ZMYM1: variants seen among roughly 807,000 people sequenced by gnomAD.
ZMYM1 encodes zinc finger MYM-type protein 1.
A neutral mutation model predicts 60.0 loss-of-function variants in ZMYM1; 39 were observed. The ratio of observed to expected loss-of-function variants is 0.65; its 90% CI spans 0.50 to 0.85. The LOEUF (loss-of-function observed/expected upper bound fraction) is 0.85, where lower values mean the gene tolerates loss of function less well. ZMYM1 is among the 40% of genes least tolerant of loss of function. The probability of loss-of-function intolerance (pLI) is 0.00; values close to 1 mark genes in which losing one functional copy is unlikely to be tolerated. For synonymous variants in ZMYM1, 413 were observed against 454.0 expected (o/e 0.91, Z 1.15); for missense variants, 1,171 against 1,309.5 (o/e 0.89, Z 1.63).
chr1:35,097,168 C>A, intron 3 of ZMYM1, 149 bp from the exon 4 acceptor site: 1 of 868,936 alleles, frequency 1.2e-6, no homozygotes, highest in Non-Finnish European at 1.7e-6. Context: ...TGCAGTGAGC[C>A]ATGATCGTAT....
chr1:35,089,845 A>G (rs941324751), intron 1 of ZMYM1, among the ~76,000 whole-genome samples: 2 of 133,430 alleles, frequency 1.5e-5, no homozygotes, highest in Non-Finnish European at 3.1e-5. Flanking sequence ...TCCCAGGTTC[A>G]CGCCATTCTC....
rs374934245 is a variant in ZMYM1 at position 35,093,976 on chromosome 1, T to C, written c.-12T>C. On this transcript the variant is annotated 5_prime_UTR_variant, in exon 2 of 10. Transcript: ENST00000359858. The stretch of plus-strand genomic sequence containing the variant: ...TTTGGAACTGGAGAATTCCTTTGCA[T>C]CAGATACTAAAATGAAAGAACCACT... 3.0e-4 allele frequency: 475 copies of C among 1,586,194 alleles called. No homozygotes were observed. The highest frequency in any genetic ancestry group is 3.9e-4 in the Non-Finnish European group (454 of 1,165,934).
chr1:35,092,752 C>T (rs746925892), intron 1 of ZMYM1, among the ~76,000 whole-genome samples: 2 of 151,956 alleles, frequency 1.3e-5, no homozygotes, highest in South Asian at 4.2e-4. Context: ...CTCAGCCTAC[C>T]GAGTAGCTGG....
At chr1:35,076,159 A>T (rs1176648101), upstream of ZMYM1, among the ~76,000 whole-genome samples, 2 of 152,156 alleles carry the variant, frequency 1.3e-5, no homozygotes, top group Non-Finnish European at 2.9e-5. Flanking sequence ...ACATAACCCC[A>T]GATATAAAGG....
At chr1:35,085,086 C>T (rs553901918) in intron 1 of ZMYM1, among the ~76,000 whole-genome samples, 26 of 151,920 alleles carry the variant, frequency 1.7e-4, no homozygotes, top group South Asian at 1.2e-3. Flanking sequence ...CTCGCTCTGT[C>T]GCCCAGGCTG....
intron 6 of ZMYM1, among the ~76,000 whole-genome samples, chr1:35,105,680 A>G (rs1008984709): frequency 2.6e-5 from 4 of 152,018 alleles, no homozygotes; most frequent in African/African-American, 4.8e-5. Context: ...ATCATGGCTC[A>G]CTGTAGCCTT....
intron 1 of ZMYM1, among the ~76,000 whole-genome samples, chr1:35,088,482 G>A (rs1642804088): frequency 2.1e-5 from 3 of 145,764 alleles, no homozygotes; most frequent in Admixed American, 7.0e-5. Context: ...GTGTGTGTGT[G>A]TGTGTGTGTG....
chr1:35,100,814 T>C (rs1035278122), intron 4 of ZMYM1, among the ~76,000 whole-genome samples: 3 of 151,992 alleles, frequency 2.0e-5, no homozygotes, highest in African/African-American at 7.2e-5. Context: ...GTTTCTTTTT[T>C]TTTTTTGAGA....
chr1:35,113,807 T>C lies in ZMYM1; in HGVS notation c.1977T>C (p.Leu659=), dbSNP rs1644177090. 1.2e-6 allele frequency: 2 copies of C among 1,613,834 alleles called. No homozygotes were observed. Among genetic ancestry groups the C allele is most frequent in the Non-Finnish European group, 1.7e-6 (2 of 1,179,862 alleles). ...TCAATAGTGCCATGAAAGAACAGCT[T>C]TCAATTTGTGTAAGATACCCACAAA... ...ETINSAMKEQ[L]SICVRYPQKS... is the part of the protein sequence containing the mutation. Residue 659 remains leucine (L), a synonymous_variant, in exon 10 of 10, where the codon CTT becomes CTC. Coordinates refer to ENST00000359858, the MANE Select transcript of ZMYM1 (RefSeq NM_024772.5).
Position 35,115,144 on chromosome 1 carries a change from A to G in ZMYM1, c.3314A>G (p.Lys1105Arg). 1.2e-6 allele frequency: 2 copies of G among 1,614,146 alleles called. No individual in the cohort carries two copies. The highest frequency in any genetic ancestry group is 1.7e-6 in the Non-Finnish European group (2 of 1,179,998). The change falls in exon 10 of 10, where the codon AAG (lysine) becomes AGG (arginine). Residue 1105 changes from lysine to arginine, a missense_variant. Transcript: ENST00000359858. ...TYLCNTMGQEKLTGPALMAVE... is the reference protein window; with the variant it reads ...TYLCNTMGQERLTGPALMAVE... ...TTATGTAATACCATGGGACAAGAGA[A>G]GCTTACTGGCCCAGCCCTAATGGCT...
intron 2 of ZMYM1, among the ~76,000 whole-genome samples, chr1:35,095,187 A>T (rs2148517199): frequency 6.6e-6 from 1 of 152,090 alleles, no homozygotes; most frequent in Admixed American, 6.6e-5. Flanking sequence ...TAAGGTCTTT[A>T]TGAAGACAAT....
intron 1 of ZMYM1, among the ~76,000 whole-genome samples, chr1:35,063,851 C>T (rs1382814326): frequency 6.6e-6 from 1 of 152,080 alleles, no homozygotes; most frequent in African/African-American, 2.4e-5. Flanking sequence ...AGGATCTGTC[C>T]GTCTTTACTT....
chr1:35,112,006 T>C (rs1244404847), intron 8 of ZMYM1, 81 bp from the exon 9 acceptor site: 1 of 1,549,424 alleles, frequency 6.5e-7, no homozygotes, highest in Non-Finnish European at 8.7e-7. Context: ...GTTTCTTATA[T>C]GAAATAAGCA....
At position 35,093,841 on chromosome 1, in the gene ZMYM1, G is replaced by A. The variant is rs1020988293; in HGVS notation, c.-74-73G>A. The A allele has an allele frequency of 7.5e-6, 4 of 530,946 alleles. No individual in the cohort carries two copies. In the African/African-American group the frequency reaches 7.8e-5, roughly 10 times the overall value. 32.9% of individuals were successfully genotyped at this position (530,946 alleles called of 1,614,324 possible). On this transcript the variant is annotated intron_variant, in intron 1 of 9. Coordinates refer to ENST00000359858, the MANE Select transcript of ZMYM1 (RefSeq NM_024772.5). Reference sequence around the variant, plus strand: ...TGCCAAGCTGTCTAAAGACCCTTTTGTGGTTCTAGAAAATTACCATATTTA... The same window carrying A: ...TGCCAAGCTGTCTAAAGACCCTTTTATGGTTCTAGAAAATTACCATATTTA...
At chr1:35,083,836 T>C (rs1480497155) in intron 1 of ZMYM1, among the ~76,000 whole-genome samples, 2 of 152,200 alleles carry the variant, frequency 1.3e-5, no homozygotes, top group Non-Finnish European at 2.9e-5. Flanking sequence ...TCACCCAGGC[T>C]GGTCTCGAAC....
chr1:35,090,852 A>G (rs778524433), intron 1 of ZMYM1, among the ~76,000 whole-genome samples: 1 of 152,138 alleles, frequency 6.6e-6, no homozygotes, highest in African/African-American at 2.4e-5. Context: ...AGGCTGAGGC[A>G]GGAGAATCAC....
intron 1 of ZMYM1, among the ~76,000 whole-genome samples, chr1:35,082,780 G>A (rs982802136): frequency 1.5e-4 from 22 of 148,938 alleles, no homozygotes; most frequent in African/African-American, 4.7e-4. Context: ...AGGAGTTCCA[G>A]ACCAGCCTGG....
intron 7 of ZMYM1, among the ~76,000 whole-genome samples, chr1:35,111,236 A>T (rs1389059529): frequency 6.6e-6 from 1 of 152,222 alleles, no homozygotes; most frequent in Admixed American, 6.5e-5. Context: ...GAGCCAACTA[A>T]GTATTCCATC....
At chr1:35,112,041 T>G (rs557907171) in intron 8 of ZMYM1, 46 bp from the exon 9 acceptor site, 2 of 1,584,374 alleles carry the variant, frequency 1.3e-6, no homozygotes, top group Non-Finnish European at 1.7e-6. Flanking sequence ...TGCTATTTTA[T>G]AGGTTATAGT....
Sources: gnomAD v4.1 joint callset for allele counts (sites outside exome capture counted in the v4.1 genomes callset) on GRCh38, gnomAD v4.1.1 for gene constraint, MANE v1.5 for transcripts, NCBI Gene and HGNC (gene_info 2026-07-23, HGNC 2026-07-21) for gene names.